Variants in NRCAM observed in about 807,000 individuals in gnomAD.
NRCAM encodes neuronal cell adhesion molecule.
In NRCAM, 83 loss-of-function variants were observed where a neutral mutation model predicts 156.5. The ratio of observed to expected loss-of-function variants is 0.53; its 90% confidence interval spans 0.44 to 0.64. The LOEUF (loss-of-function observed/expected upper bound fraction) is 0.64. NRCAM is among the 30% of genes least tolerant of loss of function. NRCAM has a pLI of 0.00. For missense variants in NRCAM, 1,417 were observed against 1,597.3 expected (o/e 0.89, Z 1.92); for synonymous variants, 538 against 563.9 (o/e 0.95, Z 0.65).
rs2095428240 is a variant in NRCAM, at chr7:108,240,089, C to T, written c.-25G>A. On this transcript the variant is annotated 5_prime_UTR_variant, in exon 4 of 33. It adds an upstream start codon to the 5' untranslated region. Coordinates refer to ENST00000379028, the MANE Select transcript of NRCAM (RefSeq NM_001037132.4). ...TTAGCTTAACTCCTGCTGAGACTCA[C>T]ACACTGAATTTCCTTTTCTTCTTTC... The T allele has an allele frequency of 1.3e-6, 2 of 1,493,342 alleles. No homozygotes were observed. Among genetic ancestry groups the T allele is most frequent in the Admixed American group, 1.7e-5 (1 of 57,164 alleles). The allele number at this position is 1,493,342 out of a possible 1,614,324, so 92.5% of individuals were successfully genotyped here. A position where few individuals can be genotyped will look rare whatever the true frequency, so the allele number is the denominator to read the frequency against.
In NRCAM at chr7:108,306,387, G is replaced by A. The variant is rs182781305; in HGVS notation, c.-107+6278C>T. Among the ~76,000 whole-genome samples, 512 of 152,082 alleles carry A rather than the reference G, an allele frequency of 3.4e-3. 7 individuals are homozygous for A. The highest frequency in any genetic ancestry group is 1.5e-3 in the Non-Finnish European group (103 of 67,978). ...TAAAGGTAATTTTTCTGAATAGCAC[G>A]GATGGTTTCCTCTGTTAAAATACTA... On this transcript the variant is annotated intron_variant, in intron 3 of 32. Coordinates refer to ENST00000379028, the MANE Select transcript of NRCAM (RefSeq NM_001037132.4).
In NRCAM at chr7:108,223,234, T is replaced by C. The variant is rs538738440; in HGVS notation, c.890+491A>G. ...GAGCACTGCTGAGCCACCTAACAGA[T>C]ACATGAGCATGCTTAACTGAAATTA... On this transcript the variant is annotated intron_variant, in intron 11 of 32. Transcript: ENST00000379028. 1.6e-4 allele frequency among the ~76,000 whole-genome samples: 24 copies of C among 152,280 alleles called. 1 individual carries two copies. The highest frequency in any genetic ancestry group is 5.1e-4 in the African/African-American group (21 of 41,560).
At chr7:108,315,021 C>T (rs962159489) in intron 2 of NRCAM, among the ~76,000 whole-genome samples, 2 of 151,822 alleles carry the variant, frequency 1.3e-5, no homozygotes, top group Admixed American at 1.3e-4. Flanking sequence ...CCCCAACAAC[C>T]CAGTCAATTC....
chr7:108,451,766 T>A (rs190839002), intron 1 of NRCAM, among the ~76,000 whole-genome samples: 2 of 152,240 alleles, frequency 1.3e-5, no homozygotes, highest in African/African-American at 4.8e-5. Flanking sequence ...AGACTGGAAG[T>A]AGGATGTTTG....
chr7:108,394,326 G>T (rs1211289523), intron 2 of NRCAM, among the ~76,000 whole-genome samples: 2 of 152,286 alleles, frequency 1.3e-5, no homozygotes, highest in East Asian at 3.9e-4. Context: ...TGTGTCTTCT[G>T]ATCCCCAACT....
At chr7:108,181,754 A>G (rs2839850) in intron 24 of NRCAM, 68 bp downstream of exon 24, 854,351 of 1,017,398 alleles carry the variant, frequency 0.84, 359,834 homozygotes, top group East Asian at 1. Context: ...CTCCTGTGGT[A>G]TGCATGACAA....
intron 3 of NRCAM, among the ~76,000 whole-genome samples, chr7:108,287,793 G>A (rs1035409694): frequency 1.3e-5 from 2 of 151,950 alleles, no homozygotes; most frequent in East Asian, 1.9e-4. Context: ...TACAGCTTCT[G>A]TGGAAAACAG....
At chr7:108,274,270 G>T (rs2097501601) in intron 3 of NRCAM, among the ~76,000 whole-genome samples, 2 of 152,186 alleles carry the variant, frequency 1.3e-5, no homozygotes, top group African/African-American at 4.8e-5. Context: ...TTCCAATTCT[G>T]TGAAGAAAGT....
intron 2 of NRCAM, among the ~76,000 whole-genome samples, chr7:108,394,346 G>A (rs766170567): frequency 2.2e-4 from 33 of 152,264 alleles, no homozygotes; most frequent in Non-Finnish European, 1.9e-4. Flanking sequence ...TCAGGATGCG[G>A]CCCTGTGAAC....
intron 2 of NRCAM, among the ~76,000 whole-genome samples, chr7:108,386,635 T>C (rs1227441751): frequency 1.1e-4 from 17 of 152,110 alleles, no homozygotes; most frequent in Admixed American, 1.1e-3. Flanking sequence ...ACTATGATAA[T>C]AATAACCAGC....
rs1354001213 is a variant in NRCAM at position 108,182,882 on chromosome 7, C to G, written c.2343G>C (p.Gln781His). The G allele has an allele frequency of 1.2e-6, 2 of 1,614,232 alleles. No homozygotes were observed. The highest frequency in any genetic ancestry group is 1.1e-5 in the South Asian group (1 of 91,086). The change falls in exon 23 of 33, where the codon CAG (glutamine) becomes CAC (histidine). Residue 781 changes from glutamine (Q) to histidine (H), a missense_variant. Physicochemically the swap from Gln to His is conservative, Grantham distance 24 (BLOSUM62 0). Around this residue, in one of 2 missense-constraint regions of NRCAM, gnomAD observed 1,238 missense variants for 1,336.4 expected, o/e 0.93. Coordinates refer to ENST00000379028, the MANE Select transcript of NRCAM (RefSeq NM_001037132.4). ...NGFESNGPGLQYKVSWRQKDG... is the reference protein window; with the variant it reads ...NGFESNGPGLHYKVSWRQKDG... Reference sequence around the variant, plus strand: ...CTTTCTGGCGCCAGCTAACTTTGTACTGAAGGCCTGGCCCATTAGATTCGA... The same window carrying G: ...CTTTCTGGCGCCAGCTAACTTTGTAGTGAAGGCCTGGCCCATTAGATTCGA...
At chr7:108,300,395 T>C (rs1264399364) in intron 3 of NRCAM, among the ~76,000 whole-genome samples, 2 of 152,042 alleles carry the variant, frequency 1.3e-5, no homozygotes, top group South Asian at 2.1e-4. Flanking sequence ...TGTTAGAGGA[T>C]ACCAGATGCT....
chr7:108,198,633 TA>T (rs1162063276), intron 13 of NRCAM, among the ~76,000 whole-genome samples: 1 of 152,172 alleles, frequency 6.6e-6, no homozygotes, highest in Non-Finnish European at 1.5e-5. Context: ...CAAAAGCTAG[TA>T]AAAAATATAG....
At chr7:108,289,751 G>A (rs2098227749) in intron 3 of NRCAM, among the ~76,000 whole-genome samples, 2 of 152,092 alleles carry the variant, frequency 1.3e-5, no homozygotes, top group Non-Finnish European at 2.9e-5. Flanking sequence ...AACCCACTGG[G>A]TTCTGAACAT....
chr7:108,393,320 G>A (rs1429076292), intron 2 of NRCAM, among the ~76,000 whole-genome samples: 2 of 152,276 alleles, frequency 1.3e-5, no homozygotes, highest in East Asian at 1.9e-4. Flanking sequence ...TCAGACTGCT[G>A]TGCTAGCAAC....
At chr7:108,369,356 T>C (rs539106507) in intron 2 of NRCAM, among the ~76,000 whole-genome samples, 2 of 152,250 alleles carry the variant, frequency 1.3e-5, no homozygotes, top group East Asian at 1.9e-4. Context: ...ATAGAATAAA[T>C]TACTGATAAT....
In NRCAM at chr7:108,229,589, T is replaced by G. The variant is rs541936607; in HGVS notation, c.550+1442A>C. On this transcript the variant is annotated intron_variant, in intron 8 of 32. Coordinates refer to ENST00000379028, the MANE Select transcript of NRCAM (RefSeq NM_001037132.4). ...TGGTCTCAGTCTCCCAGACTCTGCT[T>G]TCCTGCTTCCCAGATCCTCTCATCT... is the stretch of plus-strand genomic sequence containing the variant. Among the ~76,000 whole-genome samples, 155 of 152,320 alleles carry G rather than the reference T, an allele frequency of 1.0e-3. 1 individual carries two copies. The highest frequency in any genetic ancestry group is 1.9e-3 in the Non-Finnish European group (127 of 68,038).
At chr7:108,343,003 C>A (rs2154274857) in intron 2 of NRCAM, among the ~76,000 whole-genome samples, 1 of 152,290 alleles carries the variant, frequency 6.6e-6, no homozygotes, top group Non-Finnish European at 1.5e-5. Context: ...ACATAACTGT[C>A]AACAAGTAAT....
At chr7:108,217,354 C>T (rs75471446) in intron 11 of NRCAM, among the ~76,000 whole-genome samples, 2 of 152,206 alleles carry the variant, frequency 1.3e-5, no homozygotes, top group Non-Finnish European at 2.9e-5. Context: ...AGGTGTCTGT[C>T]GACCCCTGCT....
Sources: allele counts gnomAD v4.1 joint callset (sites outside exome capture counted in the v4.1 genomes callset), GRCh38; gene constraint gnomAD v4.1.1; regional missense constraint gnomAD v4.1.1; transcripts MANE v1.5; gene names NCBI Gene and HGNC (gene_info 2026-07-23, HGNC 2026-07-21).